Variants in FBXL13 observed in about 807,000 individuals in gnomAD.
FBXL13 encodes F-box and leucine rich repeat protein 13.
In FBXL13, 67 loss-of-function variants were observed where a neutral mutation model predicts 83.6. The observed-to-expected ratio is 0.80, with a 90% CI of 0.66 to 0.98. The LOEUF (loss-of-function observed/expected upper bound fraction) is 0.98, where lower values mean the gene tolerates loss of function less well. Ranked by LOEUF, FBXL13 falls within the 50% of genes least tolerant of loss-of-function variation. The pLI, the probability that FBXL13 is intolerant of heterozygous loss-of-function variation, is 0.00. For synonymous variants in FBXL13, 272 were observed against 299.5 expected (o/e 0.91, Z 0.95); for missense variants, 822 against 866.5 (o/e 0.95, Z 0.64).
chr7:102,993,298 A>AT (rs1282356869), intron 6 of FBXL13, among the ~76,000 whole-genome samples: 2 of 152,242 alleles, frequency 1.3e-5, no homozygotes, highest in Non-Finnish European at 1.5e-5. Flanking sequence ...CTCTTTTACA[A>AT]CATGGTACTA....
intron 5 of FBXL13, among the ~76,000 whole-genome samples, chr7:103,025,879 A>G (rs1793844279): frequency 6.6e-6 from 1 of 152,010 alleles, no homozygotes; most frequent in Non-Finnish European, 1.5e-5. Context: ...CTCTGCTCCC[A>G]GCATACACTT....
intron 8 of FBXL13, among the ~76,000 whole-genome samples, chr7:102,954,967 A>C (rs1188714348): frequency 6.6e-6 from 1 of 152,184 alleles, no homozygotes; most frequent in Non-Finnish European, 1.5e-5. Context: ...CCCACTGTCA[A>C]TATTAGATAG....
intron 11 of FBXL13, among the ~76,000 whole-genome samples, chr7:102,906,118 G>A (rs1168112272): frequency 6.6e-6 from 1 of 152,128 alleles, no homozygotes; most frequent in Non-Finnish European, 1.5e-5. Flanking sequence ...ATCAGATCTT[G>A]TGAGACTTAT....
chr7:103,017,628 A>C (rs1016471028), intron 6 of FBXL13, among the ~76,000 whole-genome samples: 1 of 152,222 alleles, frequency 6.6e-6, no homozygotes, highest in Admixed American at 6.5e-5. Flanking sequence ...GAAGTCCTTA[A>C]ATGATCTGAT....
At position 102,925,165 on chromosome 7, in the gene FBXL13, G is replaced by A. The variant is rs369536413; in HGVS notation, c.878+1109C>T. Among the ~76,000 whole-genome samples, 16 of 152,296 alleles carry A rather than the reference G, an allele frequency of 1.1e-4. No individual in the cohort carries two copies. In the East Asian group the frequency reaches 1.6e-3, roughly 15 times the overall value. On this transcript the variant is annotated intron_variant, in intron 10 of 19. Coordinates refer to ENST00000313221, the Ensembl canonical transcript of FBXL13. ...TGCCAGCACTTTGGGAGGCCCAAGT[G>A]GGCAGATCATTTGAGCCCAGGAGTT... is the stretch of plus-strand genomic sequence containing the variant.
rs560529412 is a variant in FBXL13, at chr7:102,921,694, T to A, written c.878+4580A>T. The stretch of plus-strand genomic sequence containing the variant: ...GATTCCATCTCAAAAAAAATAAAAA[T>A]AAAAAATAAAAGAAGCTCTGTTTTA... On this transcript the variant is annotated intron_variant, in intron 10 of 19. Transcript: ENST00000313221. 3.7e-3 allele frequency among the ~76,000 whole-genome samples: 565 copies of A among 150,950 alleles called. 5 individuals are homozygous for A. The highest frequency in any genetic ancestry group is 0.014 in the African/African-American group (558 of 41,180).
At chr7:103,074,296 C>T (rs1799400549) in exon 1 of FBXL13, 2 of 1,019,022 alleles carry the variant, frequency 2.0e-6, no homozygotes, top group East Asian at 8.5e-5. Context: ...CTACTCCCTA[C>T]TTCTGACAAC....
At chr7:102,879,221 C>A (rs955591641) in intron 14 of FBXL13, among the ~76,000 whole-genome samples, 1 of 152,130 alleles carries the variant, frequency 6.6e-6, no homozygotes, top group African/African-American at 2.4e-5. Context: ...TACAGGTGGG[C>A]GTACAGATGG....
At chr7:102,984,873 T>C (rs957325600) in intron 6 of FBXL13, among the ~76,000 whole-genome samples, 5 of 152,240 alleles carry the variant, frequency 3.3e-5, no homozygotes, top group Admixed American at 1.3e-4. Flanking sequence ...TTTGTATTTC[T>C]GATAAAGAAC....
intron 8 of FBXL13, chr7:102,934,024 A>G (rs1164812645): frequency 6.2e-7 from 1 of 1,614,092 alleles, no homozygotes; most frequent in Non-Finnish European, 8.5e-7. Flanking sequence ...GGGCGGGTGG[A>G]GGCCGGAGAG....
rs530512839 is a variant in FBXL13 at position 103,063,233 on chromosome 7, T to C, written c.-104-7486A>G. Among the ~76,000 whole-genome samples the C allele has an allele frequency of 2.8e-3, 433 of 152,226 alleles. 2 individuals carry two copies. Among genetic ancestry groups the C allele is most frequent in the Non-Finnish European group, 4.8e-3 (324 of 68,010 alleles). ...ATCCATAGATTCAATCAACCACAGA[T>C]CAAAAATATTTGAAAAAAAGTTTTA... On this transcript the variant is annotated intron_variant, in intron 1 of 19. Transcript: ENST00000313221.
intron 16 of FBXL13, among the ~76,000 whole-genome samples, chr7:102,858,126 A>T (rs368930035): frequency 1.6e-4 from 25 of 152,366 alleles, no homozygotes; most frequent in African/African-American, 6.0e-4. Flanking sequence ...GCCACAAAAA[A>T]GAATGAAATC....
At chr7:102,817,558 T>C (rs1798176861) in intron 19 of FBXL13, among the ~76,000 whole-genome samples, 1 of 152,188 alleles carries the variant, frequency 6.6e-6, no homozygotes, top group African/African-American at 2.4e-5. Context: ...CTTTACTCTG[T>C]TGATAGTTTC....
intron 6 of FBXL13, among the ~76,000 whole-genome samples, chr7:103,003,285 T>G (rs1184665106): frequency 2.6e-5 from 3 of 115,130 alleles, no homozygotes; most frequent in East Asian, 4.4e-4. Flanking sequence ...GGGGTTTTTT[T>G]TTTTTTTTTT....
chr7:102,835,910 C>A (rs1052509575), intron 17 of FBXL13, among the ~76,000 whole-genome samples: 3 of 152,086 alleles, frequency 2.0e-5, no homozygotes, highest in African/African-American at 7.2e-5. Flanking sequence ...CGCCCGGCCC[C>A]GACATTGTTT....
At chr7:102,880,389 C>T (rs1298160466) in intron 14 of FBXL13, among the ~76,000 whole-genome samples, 1 of 152,174 alleles carries the variant, frequency 6.6e-6, no homozygotes, top group Non-Finnish European at 1.5e-5. Flanking sequence ...AGAATGATCT[C>T]CCAGCTCTAT....
intron 8 of FBXL13, among the ~76,000 whole-genome samples, chr7:102,958,567 T>TAAAAA (rs1269204807): frequency 8.1e-6 from 1 of 123,622 alleles, no homozygotes; most frequent in African/African-American, 2.9e-5. Flanking sequence ...ATAATAATAA[T>TAAAAA]AAAACAGAGA....
chr7:102,943,659 A>G (rs1241280798), intron 8 of FBXL13, among the ~76,000 whole-genome samples: 3 of 152,316 alleles, frequency 2.0e-5, no homozygotes, highest in Non-Finnish European at 4.4e-5. Context: ...CACCCATTAC[A>G]GGAATCTCAT....
intron 18 of FBXL13, among the ~76,000 whole-genome samples, chr7:102,831,701 T>C (rs989881912): frequency 2.3e-4 from 35 of 152,150 alleles, no homozygotes; most frequent in African/African-American, 8.2e-4. Context: ...GATTTTTTTT[T>C]CCAGCTTTCT....
Sources: allele counts gnomAD v4.1 joint callset (sites outside exome capture counted in the v4.1 genomes callset), GRCh38; gene constraint gnomAD v4.1.1; transcripts MANE v1.5; gene names NCBI Gene and HGNC (gene_info 2026-07-23, HGNC 2026-07-21).